The following WDR7 variants were observed in gnomAD, a reference collection of about 807,000 sequenced individuals.
WDR7 encodes WD repeat domain 7, also known as WD repeat-containing protein 7.
Under a neutral mutation model 169.4 loss-of-function variants are expected in WDR7, and 46 were observed. That is an observed-to-expected ratio of 0.27 (90% CI 0.21 to 0.35). The LOEUF is 0.35. WDR7 is among the 10% of genes least tolerant of loss of function. The pLI is 1.00. For synonymous variants in WDR7, 612 were observed against 666.8 expected, an observed-to-expected ratio of 0.92 and a Z score of 1.27; for missense variants, 1,534 against 1,859.3, an observed-to-expected ratio of 0.83 and a Z score of 3.22.
intron 20 of WDR7, among the ~76,000 whole-genome samples, chr18:56,845,500 G>A (rs1216155475): frequency 6.6e-6 from 1 of 152,054 alleles, no homozygotes; most frequent in Admixed American, 6.6e-5. Context: ...TTTACGGGGA[G>A]TAGAAATACA....
At chr18:56,820,770 G>T (rs908575816) in intron 20 of WDR7, among the ~76,000 whole-genome samples, 1 of 152,092 alleles carries the variant, frequency 6.6e-6, no homozygotes, top group Non-Finnish European at 1.5e-5. Context: ...TTCTATAAAT[G>T]TGCTTTTGTT....
chr18:56,905,638 T>TATATATC (rs1241026796), intron 21 of WDR7, among the ~76,000 whole-genome samples: 2 of 150,636 alleles, frequency 1.3e-5, no homozygotes, highest in African/African-American at 4.9e-5. Context: ...TATATATATA[T>TATATATC]ATATCATATG....
At position 56,672,641 on chromosome 18, in the gene WDR7, A is replaced by G; in HGVS notation, c.126A>G (p.Gln42=). Residue 42 remains glutamine (Q), a synonymous_variant, in exon 2 of 28, where the codon CAA becomes CAG. Transcript: ENST00000254442. ...TCGTAACAGGATGTCACGACGGACA[A>G]ATATGTCTCTGGGATCTTTCAGTAG... The part of the protein sequence containing the change: ...ATIVTGCHDG[Q]ICLWDLSVEL... 1 of 1,612,312 alleles carries G rather than the reference A, an allele frequency of 6.2e-7. No individual in the cohort carries two copies. Among genetic ancestry groups the G allele is most frequent in the Non-Finnish European group, 8.5e-7 (1 of 1,179,138 alleles).
intron 12 of WDR7, among the ~76,000 whole-genome samples, chr18:56,711,709 T>A (rs1384600604): frequency 6.6e-6 from 1 of 152,132 alleles, no homozygotes; most frequent in Non-Finnish European, 1.5e-5. Flanking sequence ...CTTTTTTTTT[T>A]AAATGAAGTT....
At chr18:57,011,078 C>G (rs576772646) in intron 26 of WDR7, among the ~76,000 whole-genome samples, 1 of 152,264 alleles carries the variant, frequency 6.6e-6, no homozygotes, top group East Asian at 1.9e-4. Context: ...CCATAAAAAA[C>G]TTATTAGGAA....
intron 13 of WDR7, among the ~76,000 whole-genome samples, chr18:56,730,241 C>G (rs1038086493): frequency 3.9e-5 from 6 of 152,082 alleles, no homozygotes; most frequent in African/African-American, 9.7e-5. Flanking sequence ...ATAACAAAAA[C>G]TTTAAACACA....
chr18:56,779,827 C>T (rs751305846), intron 18 of WDR7, among the ~76,000 whole-genome samples: 31 of 152,246 alleles, frequency 2.0e-4, no homozygotes, highest in African/African-American at 5.8e-4. Context: ...GGTTTCTGTA[C>T]GGATCACACA....
In WDR7 at chr18:56,915,552, C is replaced by T. The variant is rs193160634; in HGVS notation, c.3527-8370C>T. 1.8e-3 allele frequency among the ~76,000 whole-genome samples: 273 copies of T among 152,166 alleles called. 1 individual carries two copies. The highest frequency in any genetic ancestry group is 6.2e-3 in the African/African-American group (257 of 41,510). On this transcript the variant is annotated intron_variant, in intron 21 of 27. Transcript: ENST00000254442. The stretch of plus-strand genomic sequence containing the variant: ...ATTCAGATCCAGCAACCTGCAGTGG[C>T]TATGTCTTCATTGATGATTTTCTTT...
At chr18:56,759,458 G>A (rs2043948907) in intron 16 of WDR7, among the ~76,000 whole-genome samples, 1 of 152,098 alleles carries the variant, frequency 6.6e-6, no homozygotes, top group African/African-American at 2.4e-5. Context: ...TTCATTAGGA[G>A]ATGGAGGAGA....
intron 26 of WDR7, among the ~76,000 whole-genome samples, chr18:57,006,684 A>G (rs1166252173): frequency 6.6e-6 from 1 of 152,210 alleles, no homozygotes; most frequent in Non-Finnish European, 1.5e-5. Flanking sequence ...GAATGCTTAT[A>G]TAAATATGAA....
intron 21 of WDR7, among the ~76,000 whole-genome samples, chr18:56,883,217 A>T (rs1218281339): frequency 6.6e-6 from 1 of 151,642 alleles, no homozygotes; most frequent in Admixed American, 6.6e-5. Context: ...CTCAAAAAAA[A>T]AAAAAAAAAA....
rs2044286880 is a variant in WDR7 at position 56,779,459 on chromosome 18, T to C, written c.2976T>C (p.Cys992=). Reference sequence around the variant, plus strand: ...GGAGTCAGTTAGCTGCTATGCACTGTGTTATGCTGCCAGACCTACTGGGAT... The same window carrying C: ...GGAGTCAGTTAGCTGCTATGCACTGCGTTATGCTGCCAGACCTACTGGGAT... ...EGWSQLAAMH[C]VMLPDLLGLD... is the part of the protein sequence containing the mutation. Residue 992 remains cysteine, a synonymous_variant, in exon 18 of 28, where the codon TGT becomes TGC. Coordinates refer to ENST00000254442, the MANE Select transcript of WDR7 (RefSeq NM_015285.3). 4 of 1,613,766 alleles carry C rather than the reference T, an allele frequency of 2.5e-6. No homozygotes were observed.
At chr18:56,738,835 T>C (rs1206939600) in intron 14 of WDR7, among the ~76,000 whole-genome samples, 1 of 147,668 alleles carries the variant, frequency 6.8e-6, no homozygotes, top group South Asian at 2.1e-4. Flanking sequence ...CAAAATGTGT[T>C]GTTTAACTTT....
intron 20 of WDR7, among the ~76,000 whole-genome samples, chr18:56,823,546 C>A (rs112933623): frequency 0.012 from 1,864 of 152,138 alleles, 35 homozygotes; most frequent in African/African-American, 0.04. Context: ...AGATCACATC[C>A]CTGCGCTCCA....
intron 21 of WDR7, among the ~76,000 whole-genome samples, chr18:56,891,647 T>C (rs972321339): frequency 6.6e-6 from 1 of 152,078 alleles, no homozygotes; most frequent in Non-Finnish European, 1.5e-5. Flanking sequence ...ATCAAGTAAA[T>C]TCCTTAAAGT....
At chr18:56,689,489 G>A (rs1048534586) in intron 7 of WDR7, among the ~76,000 whole-genome samples, 2 of 152,152 alleles carry the variant, frequency 1.3e-5, no homozygotes, top group East Asian at 1.9e-4. Flanking sequence ...TGAACTCCTG[G>A]CATCAAGTGG....
chr18:56,713,470 A>G (rs2026126494), intron 12 of WDR7, among the ~76,000 whole-genome samples: 1 of 152,212 alleles, frequency 6.6e-6, no homozygotes, highest in South Asian at 2.1e-4. Flanking sequence ...ACTATTGGGA[A>G]CACATTTCAA....
intron 14 of WDR7, among the ~76,000 whole-genome samples, chr18:56,745,759 T>C (rs1225384846): frequency 6.6e-6 from 1 of 152,134 alleles, no homozygotes; most frequent in Admixed American, 6.5e-5. Context: ...TAGCAAAATA[T>C]AAAAATAGCA....
intron 20 of WDR7, among the ~76,000 whole-genome samples, chr18:56,861,494 G>C (rs1428280394): frequency 6.6e-6 from 1 of 152,164 alleles, no homozygotes; most frequent in African/African-American, 2.4e-5. Context: ...GAATTGCTTT[G>C]TCAAGTCTTT....
Sources: allele counts gnomAD v4.1 joint callset (sites outside exome capture counted in the v4.1 genomes callset), GRCh38; gene constraint gnomAD v4.1.1; transcripts MANE v1.5; gene names NCBI Gene and HGNC (gene_info 2026-07-23, HGNC 2026-07-21).